Variants in CSF2RA observed in about 807,000 individuals in gnomAD.
The protein encoded by CSF2RA is granulocyte-macrophage colony-stimulating factor receptor subunit alpha.
Under a neutral mutation model 51.6 loss-of-function variants are expected in CSF2RA, and 42 were observed. The observed-to-expected ratio is 0.81, with a 90% confidence interval of 0.64 to 1.05. The LOEUF is 1.05. Ranked by LOEUF, CSF2RA falls within the 50% of genes least tolerant of loss-of-function variation. CSF2RA has a pLI of 0.00. For synonymous variants in CSF2RA, 222 were observed against 193.0 expected (o/e 1.15, Z -1.24); for missense variants, 530 against 501.1 (o/e 1.06, Z -0.55).
chrX:1,282,435 A>G, intron 2 of CSF2RA: 1 of 591,418 alleles, frequency 1.7e-6, no homozygotes, highest in Non-Finnish European at 3.0e-6. Context: ...CCCATGAACC[A>G]TGGAAGCTTG....
the CSF2RA span, among the ~76,000 whole-genome samples, chrX:1,321,295 C>G: frequency 2.6e-5 from 4 of 151,896 alleles, no homozygotes; most frequent in Non-Finnish European, 1.5e-5. Flanking sequence ...CAATGAAACC[C>G]TTTCTCCACT....
At chrX:1,306,337 A>G (rs779966561) in intron 12 of CSF2RA, among the ~76,000 whole-genome samples, 1 of 152,108 alleles carries the variant, frequency 6.6e-6, no homozygotes, top group Non-Finnish European at 1.5e-5. Flanking sequence ...AGAGACAGAT[A>G]AACAACAAAC....
In CSF2RA at chrX:1,294,321, G is replaced by A. The variant is rs189869234; in HGVS notation, c.647-7G>A. On this transcript the variant is annotated splice_polypyrimidine_tract_variant and splice_region_variant and intron_variant, in intron 7 of 12. Transcript: ENST00000381529. ...GTTCAGGGGTGTGTCCTGCGCCCTC[G>A]TTACAGAACGATTCAACCCTCCCAG... 5.3e-4 allele frequency: 851 copies of A among 1,613,114 alleles called. 1 individual carries two copies. In the African/African-American group the frequency reaches 6.1e-3, roughly 12 times the overall value.
At chrX:1,302,314 G>T (rs28520892) in intron 10 of CSF2RA, among the ~76,000 whole-genome samples, 3 of 151,718 alleles carry the variant, frequency 2.0e-5, no homozygotes, top group Non-Finnish European at 2.9e-5. Context: ...AAAAGGGGAA[G>T]GGGCAGGATA....
At chrX:1,304,610 G>A (rs1603435391) in intron 11 of CSF2RA, among the ~76,000 whole-genome samples, 6 of 150,956 alleles carry the variant, frequency 4.0e-5, no homozygotes, top group Admixed American at 2.0e-4. Flanking sequence ...GATCCCACTA[G>A]CCTTGAAGAG....
chrX:1,299,448 G>A (rs763872479), intron 9 of CSF2RA, among the ~76,000 whole-genome samples: 18 of 152,138 alleles, frequency 1.2e-4, no homozygotes, highest in African/African-American at 2.7e-4. Flanking sequence ...TTTTTGAGAC[G>A]GAGTCTCGCT....
intron 10 of CSF2RA, among the ~76,000 whole-genome samples, chrX:1,301,837 A>G (rs1470214835): frequency 6.9e-6 from 1 of 144,576 alleles, no homozygotes; most frequent in Non-Finnish European, 1.5e-5. Flanking sequence ...CGATCTCCTG[A>G]CCTCGTGATC....
chrX:1,301,912 CTTTTTT>C (rs1158872719), intron 10 of CSF2RA, among the ~76,000 whole-genome samples: 3 of 103,624 alleles, frequency 2.9e-5, no homozygotes, highest in African/African-American at 3.9e-5. Flanking sequence ...GGCCCTCCCT[CTTTTTT>C]TTTTTTTTTT....
intron 1 of CSF2RA, among the ~76,000 whole-genome samples, chrX:1,271,503 C>A (rs777733563): frequency 6.8e-6 from 1 of 147,064 alleles, no homozygotes; most frequent in African/African-American, 2.4e-5. Context: ...CCATGCCCAG[C>A]TAATTTTTGA....
At chrX:1,301,969 T>G (rs1311096647) in intron 10 of CSF2RA, among the ~76,000 whole-genome samples, 1 of 140,848 alleles carries the variant, frequency 7.1e-6, no homozygotes. Context: ...CAGGCTGGAG[T>G]GCAGTGGTGC....
At chrX:1,283,067 C>A (rs1369726320) in intron 3 of CSF2RA, among the ~76,000 whole-genome samples, 1 of 152,030 alleles carries the variant, frequency 6.6e-6, no homozygotes, top group Non-Finnish European at 1.5e-5. Context: ...AGGATGAGGA[C>A]CCATGTCTGC....
downstream of CSF2RA, among the ~76,000 whole-genome samples, chrX:1,314,428 C>G (rs867307366): frequency 2.7e-5 from 4 of 148,862 alleles, no homozygotes; most frequent in Non-Finnish European, 5.9e-5. Context: ...TGCACCTGCC[C>G]AACCGCACTG....
Position 1,294,362 on chromosome X carries a change from T to C in CSF2RA, c.681T>C (p.Arg227=), listed in dbSNP as rs186487689. 9.7e-5 allele frequency: 157 copies of C among 1,613,792 alleles called. No individual in the cohort carries two copies. The highest frequency in any genetic ancestry group is 3.4e-4 in the South Asian group (31 of 91,058). ...ACCCTCCCAGCAATGTCACCGTACGTTGCAACACGACGCACTGCCTCGTAC... is the reference window on the plus strand; with the variant it reads ...ACCCTCCCAGCAATGTCACCGTACGCTGCAACACGACGCACTGCCTCGTAC... The part of the protein sequence containing the change: ...RFNPPSNVTV[R]CNTTHCLVRW... The change falls in exon 8 of 13, where the codon CGT becomes CGC. Residue 227 remains arginine, a synonymous_variant. Transcript: ENST00000381529.
At chrX:1,309,258 T>A in intron 12 of CSF2RA, 144 bp from the exon 13 acceptor site, 1 of 820,476 alleles carries the variant, frequency 1.2e-6, no homozygotes, top group Non-Finnish European at 2.0e-6. Context: ...GAGGTTGCAG[T>A]GAGCTGAGAT....
chrX:1,309,788 T>A lies in CSF2RA; in HGVS notation c.*309T>A. The stretch of plus-strand genomic sequence containing the variant: ...CCATCATCCCAGCTACTTGGGAGGC[T>A]GAGGCAGGAGAATTGCTTGAACCCG... On this transcript the variant is annotated 3_prime_UTR_variant, in exon 13 of 13. Coordinates refer to ENST00000381529, the MANE Select transcript of CSF2RA (RefSeq NM_172245.4). 3.2e-6 allele frequency: 2 copies of A among 632,732 alleles called. No individual in the cohort carries two copies. Among genetic ancestry groups the A allele is most frequent in the South Asian group, 3.7e-5 (2 of 53,744 alleles). The allele number at this position is 632,732 out of a possible 1,614,324, so 39.2% of individuals were successfully genotyped here. A position where few individuals can be genotyped will look rare whatever the true frequency, so the allele number is the denominator to read the frequency against.
rs2091723980 is a variant in CSF2RA, at chrX:1,294,472, G to A, written c.780+11G>A. ...GACGTCCACAGAAAGGTCGGTGAGA[G>A]CTCCCCGGGGCTGGGCACCAGGAGG... On this transcript the variant is annotated intron_variant, in intron 8 of 12. Coordinates refer to ENST00000381529, the MANE Select transcript of CSF2RA (RefSeq NM_172245.4). The A allele has an allele frequency of 1.2e-6, 2 of 1,608,216 alleles. No individual in the cohort carries two copies. The highest frequency in any genetic ancestry group is 1.4e-5 in the African/African-American group (1 of 70,338).
At chrX:1,269,494 G>A (rs375366428) in intron 1 of CSF2RA, among the ~76,000 whole-genome samples, 1 of 151,792 alleles carries the variant, frequency 6.6e-6, no homozygotes, top group Non-Finnish European at 1.5e-5. Flanking sequence ...GTGGTGGCAG[G>A]CACCTGTAAT....
chrX:1,317,573 A>ATT, the CSF2RA span, among the ~76,000 whole-genome samples: 51 of 131,618 alleles, frequency 3.9e-4, no homozygotes, highest in African/African-American at 1.5e-3. Flanking sequence ...ATTTTATTTT[A>ATT]TTTTTTTTTT....
At chrX:1,295,976 A>G (rs2091908246) in intron 9 of CSF2RA, among the ~76,000 whole-genome samples, 2 of 150,734 alleles carry the variant, frequency 1.3e-5, no homozygotes, top group Admixed American at 6.6e-5. Context: ...ACAGTCCCCT[A>G]CTCACGACCC....
Sources: allele counts gnomAD v4.1 joint callset (sites outside exome capture counted in the v4.1 genomes callset), GRCh38; gene constraint gnomAD v4.1.1; transcripts MANE v1.5; gene names NCBI Gene and HGNC (gene_info 2026-07-23, HGNC 2026-07-21).